The following ACOT7 variants were observed in gnomAD, a reference collection of about 807,000 sequenced individuals.
ACOT7 encodes cytosolic acyl coenzyme A thioester hydrolase.
Under a neutral mutation model 40.2 loss-of-function variants are expected in ACOT7, and 12 were observed. The observed-to-expected ratio is 0.30, with a 90% confidence interval of 0.19 to 0.48. The LOEUF is 0.48. Ranked by LOEUF, ACOT7 falls within the 20% of genes least tolerant of loss-of-function variation. ACOT7 has a pLI of 0.99. For missense variants in ACOT7, 395 were observed against 530.8 expected (o/e 0.74, Z 2.51); for synonymous variants, 228 against 219.5 (o/e 1.04, Z -0.34).
At chr1:6,353,611 G>C (rs1641657537) in intron 1 of ACOT7, among the ~76,000 whole-genome samples, 1 of 152,258 alleles carries the variant, frequency 6.6e-6, no homozygotes, top group Non-Finnish European at 1.5e-5. Context: ...TCCAGCCTGG[G>C]TGACAGAGTG....
rs1311139687 is a variant in ACOT7, at chr1:6,282,299, T to C, written c.830-1013A>G. Among the ~76,000 whole-genome samples, 1 of 152,140 alleles carries C rather than the reference T, an allele frequency of 6.6e-6. No individual in the cohort carries two copies. The highest frequency in any genetic ancestry group is 2.4e-5 in the African/African-American group (1 of 41,440). ...GGGGATAGCTACGGGATGGAAGGAC[T>C]CAAGCCAAGAGCTGACCTGGGGCCC... On this transcript the variant is annotated intron_variant, in intron 7 of 8. Transcript: ENST00000361521. This position sits in a 1 kb window ranked among gnomAD's most constrained non-coding sequence, Gnocchi z 4.5.
At chr1:6,284,072 A>C (rs1639430224) in intron 7 of ACOT7, among the ~76,000 whole-genome samples, 1 of 152,198 alleles carries the variant, frequency 6.6e-6, no homozygotes. Flanking sequence ...TGACAGACGA[A>C]TCACAAGTCC....
At chr1:6,383,648 G>A (rs1642389839) in intron 1 of ACOT7, among the ~76,000 whole-genome samples, 2 of 150,564 alleles carry the variant, frequency 1.3e-5, no homozygotes, top group Admixed American at 1.3e-4. Flanking sequence ...CAATCTTCCT[G>A]CCTCAATCTC....
rs566531476 is a variant in ACOT7 at position 6,373,721 on chromosome 1, T to G, written c.143+19536A>C. ...CTCTACTAAAAATACAAAAATTAGCTGGGCACAGTGGCAGGCGCCTGTAAT... is the reference window on the plus strand; with the variant it reads ...CTCTACTAAAAATACAAAAATTAGCGGGGCACAGTGGCAGGCGCCTGTAAT... On this transcript the variant is annotated intron_variant, in intron 1 of 8. Transcript: ENST00000361521. Among the ~76,000 whole-genome samples, 491 of 152,052 alleles carry G rather than the reference T, an allele frequency of 3.2e-3. 1 individual carries two copies. The highest frequency in any genetic ancestry group is 5.5e-3 in the Non-Finnish European group (377 of 67,970).
At chr1:6,361,449 T>C (rs1456961548) in intron 1 of ACOT7, among the ~76,000 whole-genome samples, 8 of 152,160 alleles carry the variant, frequency 5.3e-5, no homozygotes, top group African/African-American at 1.7e-4. Flanking sequence ...TCACGCAGAA[T>C]TGTACAATCA....
Position 6,265,928 on chromosome 1 carries a change from C to G in ACOT7, c.1015-1233G>C, listed in dbSNP as rs545195271. ...CGCAGTCAGCCAGAGGATGTAATGT[C>G]AAGTTATACCAAATGCCTCCTCCCC... On this transcript the variant is annotated intron_variant, in intron 8 of 8. Transcript: ENST00000361521. Among the ~76,000 whole-genome samples the G allele has an allele frequency of 2.0e-5, 3 of 152,188 alleles. No individual in the cohort carries two copies. In the South Asian group the frequency reaches 6.2e-4, roughly 32 times the overall value.
At chr1:6,340,035 C>A (rs1390994502) in intron 2 of ACOT7, among the ~76,000 whole-genome samples, 6 of 144,768 alleles carry the variant, frequency 4.1e-5, no homozygotes, top group African/African-American at 1.4e-4. Flanking sequence ...GTGCGATCTC[C>A]CCTCACTGCA....
chr1:6,339,116 C>A (rs1046037516), intron 3 of ACOT7, among the ~76,000 whole-genome samples: 12 of 152,288 alleles, frequency 7.9e-5, no homozygotes, highest in Non-Finnish European at 1.5e-4. Flanking sequence ...TCACAGCCCG[C>A]GCCCAGCCCC....
At chr1:6,389,022 C>CA (rs1448717531) in intron 1 of ACOT7, among the ~76,000 whole-genome samples, 3 of 146,210 alleles carry the variant, frequency 2.1e-5, no homozygotes, top group African/African-American at 7.6e-5. Context: ...GCCTGGGCAA[C>CA]AGAGTGAGAC....
At chr1:6,277,315 C>T (rs902699476) in intron 8 of ACOT7, among the ~76,000 whole-genome samples, 15 of 152,238 alleles carry the variant, frequency 9.9e-5, no homozygotes, top group African/African-American at 3.6e-4. Context: ...GAGAGGGAAC[C>T]GTCATTGGTG....
chr1:6,270,898 G>T (rs2148365706), intron 8 of ACOT7, among the ~76,000 whole-genome samples: 1 of 152,270 alleles, frequency 6.6e-6, no homozygotes, highest in Non-Finnish European at 1.5e-5. Flanking sequence ...TAACGCAGCG[G>T]GCCCTTTAGG....
intron 1 of ACOT7, among the ~76,000 whole-genome samples, chr1:6,351,305 A>AGCGGTG (rs1446908108): frequency 1.3e-5 from 2 of 152,220 alleles, no homozygotes; most frequent in African/African-American, 4.8e-5. Context: ...TTGCCTGTGG[A>AGCGGTG]GCGGCCGGCA....
chr1:6,383,389 T>G (rs1318686869), intron 1 of ACOT7, among the ~76,000 whole-genome samples: 2 of 150,874 alleles, frequency 1.3e-5, no homozygotes, highest in African/African-American at 4.9e-5. Flanking sequence ...GGGTTTCACC[T>G]TGTTAGCCAG....
chr1:6,336,358 A>AAAAAAAAAAAC (rs1641102801), intron 3 of ACOT7, among the ~76,000 whole-genome samples: 1 of 150,310 alleles, frequency 6.7e-6, no homozygotes, highest in African/African-American at 2.4e-5. Context: ...AAAAAAAAAA[A>AAAAAAAAAAAC]TCTCTTAAAA....
chr1:6,321,925 T>C (rs80021197), intron 5 of ACOT7, among the ~76,000 whole-genome samples: 9 of 152,158 alleles, frequency 5.9e-5, no homozygotes, highest in Non-Finnish European at 8.8e-5. Flanking sequence ...CCACTCCTCG[T>C]GGTATTGTGG....
chr1:6,291,571 G>A (rs1260493318), intron 7 of ACOT7, among the ~76,000 whole-genome samples: 3 of 152,198 alleles, frequency 2.0e-5, no homozygotes, highest in Non-Finnish European at 2.9e-5. Flanking sequence ...GCTCTGCCAG[G>A]CACCACGTGC....
At chr1:6,304,962 T>C (rs963505200) in intron 6 of ACOT7, among the ~76,000 whole-genome samples, 9 of 146,514 alleles carry the variant, frequency 6.1e-5, no homozygotes, top group Non-Finnish European at 1.3e-4. Context: ...CACTTCCCAG[T>C]AGGGGCGGCC....
chr1:6,290,684 C>T (rs986515163), intron 7 of ACOT7, among the ~76,000 whole-genome samples: 2 of 152,240 alleles, frequency 1.3e-5, no homozygotes, highest in Non-Finnish European at 2.9e-5. Context: ...AAACCGCTGC[C>T]TTCTGGGGCT....
intron 2 of ACOT7, among the ~76,000 whole-genome samples, chr1:6,344,504 G>A (rs1004873643): frequency 1.3e-5 from 2 of 152,230 alleles, no homozygotes; most frequent in Admixed American, 6.5e-5. Flanking sequence ...AGTGGCTCAC[G>A]CCTGTAATCC....
Sources: allele counts gnomAD v4.1 joint callset (sites outside exome capture counted in the v4.1 genomes callset), GRCh38; gene constraint gnomAD v4.1.1; non-coding constraint Gnocchi (gnomAD v3.1); transcripts MANE v1.5; gene names NCBI Gene and HGNC (gene_info 2026-07-23, HGNC 2026-07-21).